Variants in NUP160 observed in about 807,000 individuals in gnomAD.
NUP160 encodes the protein nuclear pore complex protein Nup160.
Under a neutral mutation model 196.9 loss-of-function variants are expected in NUP160, and 94 were observed. That is an observed-to-expected ratio of 0.48 (90% CI 0.40 to 0.57). NUP160 has a LOEUF of 0.57. Among genes scored for constraint, NUP160 ranks in the 20% least tolerant of loss-of-function variants. NUP160 has a pLI of 0.00. For synonymous variants in NUP160, 605 were observed against 619.7 expected (o/e 0.98, Z 0.35); for missense variants, 1,638 against 1,748.3 (o/e 0.94, Z 1.13).
At position 47,782,289 on chromosome 11, in the gene NUP160, T is replaced by TA. The variant is rs1164772188; in HGVS notation, c.4116+783dup. On this transcript the variant is annotated intron_variant, in intron 34 of 35. Coordinates refer to ENST00000378460, the Ensembl canonical transcript of NUP160. The stretch of plus-strand genomic sequence containing the variant: ...CTTGGGCAACAGAGCAAAACTCAGT[T>TA]AAAAAAAAAAAAAAATATATATATA... 3.2e-3 allele frequency among the ~76,000 whole-genome samples: 102 copies of TA among 31,856 alleles called. 7 individuals are homozygous for TA. The highest frequency in any genetic ancestry group is 0.016 in the Middle Eastern group (1 of 64). 20.9% of individuals were successfully genotyped at this position (31,856 alleles called of 152,430 possible). A position where few individuals can be genotyped will look rare whatever the true frequency, so the allele number is the denominator to read the frequency against.
chr11:47,782,303 A>AAAAATATATAT (rs2097661658), intron 34 of NUP160, among the ~76,000 whole-genome samples: 1 of 40,530 alleles, frequency 2.5e-5, no homozygotes, highest in African/African-American at 1.2e-4. Flanking sequence ...AAAAAAAAAA[A>AAAAATATATAT]ATATATATAT....
chr11:47,804,692 G>A lies in NUP160; in HGVS notation c.2607-74C>T, dbSNP rs2097676443. 2.8e-5 allele frequency: 28 copies of A among 998,962 alleles called. No homozygotes were observed. In the South Asian group the frequency reaches 5.2e-4, roughly 19 times the overall value. The allele number at this position is 998,962 out of a possible 1,614,324, so 61.9% of individuals were successfully genotyped here. ...ACATATACATTGGGCATCAAATTCAGAAAAGTCCATAAAATAGCTTAATTT... is the reference window on the plus strand; with the variant it reads ...ACATATACATTGGGCATCAAATTCAAAAAAGTCCATAAAATAGCTTAATTT... On this transcript the variant is annotated intron_variant, in intron 20 of 35. Transcript: ENST00000378460.
At chr11:47,830,005 A>ACTT (rs1324174390) in intron 7 of NUP160, among the ~76,000 whole-genome samples, 1 of 152,200 alleles carries the variant, frequency 6.6e-6, no homozygotes, top group African/African-American at 2.4e-5. Context: ...TCTATAAGGA[A>ACTT]CTTAAATTTA....
chr11:47,814,697 A>C (rs1280528329), intron 13 of NUP160, among the ~76,000 whole-genome samples: 4 of 152,096 alleles, frequency 2.6e-5, no homozygotes, highest in Admixed American at 6.6e-5. Flanking sequence ...CTGATTTTTA[A>C]ATTGGGCTGT....
intron 7 of NUP160, among the ~76,000 whole-genome samples, chr11:47,826,223 C>A (rs1331458652): frequency 6.6e-6 from 1 of 152,170 alleles, no homozygotes; most frequent in Non-Finnish European, 1.5e-5. Context: ...GATCCTCCTG[C>A]ATCAGCCCCG....
intron 4 of NUP160, among the ~76,000 whole-genome samples, chr11:47,839,272 G>A (rs1252583414): frequency 6.6e-6 from 1 of 152,074 alleles, no homozygotes; most frequent in Non-Finnish European, 1.5e-5. Flanking sequence ...TGTATTTTTA[G>A]TAGAGACGGG....
intron 4 of NUP160, 77 bp downstream of exon 4, chr11:47,839,766 T>C: frequency 1.6e-6 from 2 of 1,214,116 alleles, no homozygotes; most frequent in East Asian, 2.3e-5. Context: ...ATCCCTGCAT[T>C]GGATGACGAG....
rs1480033041 is a variant in NUP160 at position 47,840,076 on chromosome 11, A to G, written c.526-11T>C. On this transcript the variant is annotated splice_polypyrimidine_tract_variant and intron_variant, in intron 3 of 35. Coordinates refer to ENST00000378460, the Ensembl canonical transcript of NUP160. ...GTCAACTACCAACTCCTGTTGAGTAATTAAAAAGAAAAATCTATTAAATCA... is the reference window on the plus strand; with the variant it reads ...GTCAACTACCAACTCCTGTTGAGTAGTTAAAAAGAAAAATCTATTAAATCA... The G allele has an allele frequency of 2.5e-6, 4 of 1,585,122 alleles. No individual in the cohort carries two copies. The Admixed American group carries it at 6.7e-5, about 27-fold the overall frequency.
At chr11:47,808,492 T>C in exon 18 of NUP160, 1 of 1,614,060 alleles carries the variant, frequency 6.2e-7, no homozygotes, top group Non-Finnish European at 8.5e-7. Context: ...TAGTAGGTCT[T>C]GCTGAGCTTG....
chr11:47,784,116 T>G (rs1283061110), intron 33 of NUP160, among the ~76,000 whole-genome samples: 5 of 152,230 alleles, frequency 3.3e-5, no homozygotes, highest in Non-Finnish European at 7.3e-5. Context: ...CTTATCCTAC[T>G]AACGGTGGTT....
intron 35 of NUP160, 90 bp from the exon 36 acceptor site, chr11:47,779,284 T>C: frequency 1.3e-6 from 1 of 770,722 alleles, no homozygotes; most frequent in Non-Finnish European, 2.1e-6. Context: ...ACCAAGTAGA[T>C]TCCACCTTAT....
chr11:47,830,889 C>T (rs991663497), intron 7 of NUP160, among the ~76,000 whole-genome samples: 2 of 151,846 alleles, frequency 1.3e-5, no homozygotes, highest in East Asian at 1.9e-4. Flanking sequence ...AGCAGCCGAG[C>T]GTGGTGGCTC....
chr11:47,822,024 C>A, intron 8 of NUP160, 63 bp downstream of exon 8: 1 of 1,136,730 alleles, frequency 8.8e-7, no homozygotes, highest in Non-Finnish European at 1.3e-6. Context: ...TATACCATAA[C>A]AGAGTTAGTC....
rs1467769691 is a variant in NUP160, at chr11:47,847,845, T to C, written c.314+3A>G. On this transcript the variant is annotated splice_donor_region_variant and intron_variant, in intron 2 of 35. Transcript: ENST00000378460. ...GGGGAGTTTGGCGAACCACAACACT[T>C]ACCAATGAATGAACCTGTTTCTGGT... 6 of 1,605,088 alleles carry C rather than the reference T, an allele frequency of 3.7e-6. No individual in the cohort carries two copies. In the African/African-American group the frequency reaches 8.0e-5, roughly 21 times the overall value.
chr11:47,780,355 A>G (rs759585562), exon 35 of NUP160: 2 of 1,612,022 alleles, frequency 1.2e-6, no homozygotes, highest in South Asian at 2.2e-5. Context: ...CGATGTTGTG[A>G]CTGTTGGCAC....
At chr11:47,811,431 CTGAGA>C (rs1484957066) in intron 17 of NUP160, among the ~76,000 whole-genome samples, 2 of 150,114 alleles carry the variant, frequency 1.3e-5, no homozygotes, top group Non-Finnish European at 3.0e-5. Context: ...ATTGCTTGAG[CTGAGA>C]TAAGGCCACC....
At chr11:47,807,529 T>G (rs1017182920) in intron 18 of NUP160, among the ~76,000 whole-genome samples, 2 of 151,972 alleles carry the variant, frequency 1.3e-5, no homozygotes, top group African/African-American at 4.8e-5. Context: ...TAGCCAGGTG[T>G]GATGGCAGGC....
At chr11:47,830,222 G>A (rs1852046541) in intron 7 of NUP160, among the ~76,000 whole-genome samples, 1 of 152,216 alleles carries the variant, frequency 6.6e-6, no homozygotes, top group Non-Finnish European at 1.5e-5. Flanking sequence ...AGATGCTGGT[G>A]AGGTTGCAGA....
chr11:47,794,091 G>C (rs532002277), intron 27 of NUP160, among the ~76,000 whole-genome samples: 10 of 152,286 alleles, frequency 6.6e-5, no homozygotes, highest in African/African-American at 2.4e-4. Flanking sequence ...GGAGGAACAA[G>C]TAGTTGTTTA....
Sources: allele counts gnomAD v4.1 joint callset (sites outside exome capture counted in the v4.1 genomes callset), GRCh38; gene constraint gnomAD v4.1.1; transcripts MANE v1.5; gene names NCBI Gene and HGNC (gene_info 2026-07-23, HGNC 2026-07-21).